Variants in EPG5 observed in about 807,000 individuals in gnomAD.
EPG5 encodes the protein ectopic P-granules 5 autophagy tethering factor.
Under a neutral mutation model 302.7 loss-of-function variants are expected in EPG5, and 159 were observed. The observed-to-expected ratio is 0.53, with a 90% CI of 0.46 to 0.60. The LOEUF is 0.60. EPG5 is among the 20% of genes least tolerant of loss of function. The pLI, the probability that EPG5 is intolerant of heterozygous loss-of-function variation, is 0.00. For synonymous variants in EPG5, 1,158 were observed against 1,136.8 expected (o/e 1.02, Z -0.37); for missense variants, 2,896 against 3,092.4 (o/e 0.94, Z 1.51).
Position 45,899,543 on chromosome 18 carries a change from T to C in EPG5, c.4670A>G (p.Gln1557Arg). The C allele has an allele frequency of 6.2e-7, 1 of 1,614,120 alleles. No individual in the cohort carries two copies. Among genetic ancestry groups the C allele is most frequent in the Non-Finnish European group, 8.5e-7 (1 of 1,179,994 alleles). The change falls in exon 27 of 44, where the codon CAG becomes CGG. Residue 1557 changes from glutamine to arginine, a missense_variant. Physicochemically the swap from Gln to Arg is conservative, Grantham distance 43 (BLOSUM62 1). Coordinates refer to ENST00000282041, the MANE Select transcript of EPG5 (RefSeq NM_020964.3). Reference sequence around the variant, plus strand: ...CAGCTCACCATCCAGAGCAACCTGCTGAGATTCCCGAAGAGCTGCGGTTCT... The same window carrying C: ...CAGCTCACCATCCAGAGCAACCTGCCGAGATTCCCGAAGAGCTGCGGTTCT... Reference protein sequence around the residue: ...QARTAALRESQQVALDGELLD... With the variant: ...QARTAALRESRQVALDGELLD...
At chr18:45,897,106 G>A (rs546701370) in intron 27 of EPG5, among the ~76,000 whole-genome samples, 5 of 152,192 alleles carry the variant, frequency 3.3e-5, no homozygotes, top group Non-Finnish European at 7.3e-5. Context: ...AAGGAAAAGA[G>A]ACAAGTCACA....
intron 1 of EPG5, among the ~76,000 whole-genome samples, 175 bp from the exon 2 acceptor site, chr18:45,955,513 T>C (rs2051008293): frequency 6.6e-6 from 1 of 152,214 alleles, no homozygotes; most frequent in Admixed American, 6.5e-5. Flanking sequence ...GAAATGTGTT[T>C]CATATTTCGT....
At chr18:45,801,139 C>T in the EPG5 span, among the ~76,000 whole-genome samples, 1 of 152,106 alleles carries the variant, frequency 6.6e-6, no homozygotes, top group Non-Finnish European at 1.5e-5. Context: ...TGGGTTCAAG[C>T]AGTTCTCCTG....
At chr18:45,818,142 A>G in the EPG5 span, among the ~76,000 whole-genome samples, 1 of 152,188 alleles carries the variant, frequency 6.6e-6, no homozygotes, top group Admixed American at 6.5e-5. Flanking sequence ...TTTTTAATAG[A>G]TTCAAATTAT....
intron 29 of EPG5, among the ~76,000 whole-genome samples, chr18:45,886,723 A>C (rs1291874748): frequency 6.6e-6 from 1 of 152,128 alleles, no homozygotes; most frequent in East Asian, 1.9e-4. Context: ...CAATAGCATG[A>C]TTTCCGCTCA....
chr18:45,955,688 C>T (rs879309464), intron 1 of EPG5, among the ~76,000 whole-genome samples: 13 of 152,166 alleles, frequency 8.5e-5, no homozygotes, highest in African/African-American at 1.2e-4. Flanking sequence ...TCAGTCTCTA[C>T]GGATCTTCAG....
In EPG5 at chr18:45,967,214, C is replaced by T. The variant is rs776386001; in HGVS notation, c.26G>A (p.Arg9His). MAEAVKPQ[R>H]RAKAKASRTK... ...CCGGCTGGCCTTGGCCTTGGCCCGG[C>T]GCTGGGGCTTCACCGCCTCGGCCAT... Residue 9 changes from arginine to histidine, a missense_variant, in exon 1 of 44, where the codon CGC becomes CAC. Arg to His is a conservative substitution (Grantham distance 29). This residue lies in a region of EPG5 where 1,390 missense variants were observed against 1,430.0 expected (regional missense o/e 0.97). Coordinates refer to ENST00000282041, the MANE Select transcript of EPG5 (RefSeq NM_020964.3). 2.5e-6 allele frequency: 4 copies of T among 1,605,498 alleles called. No individual in the cohort carries two copies. In the African/African-American group the frequency reaches 5.4e-5, roughly 21 times the overall value.
At chr18:45,881,198 C>A (rs1363869493) in intron 31 of EPG5, among the ~76,000 whole-genome samples, 2 of 152,150 alleles carry the variant, frequency 1.3e-5, no homozygotes, top group African/African-American at 4.8e-5. Context: ...TTGGTAAGAA[C>A]AAATTTCTAG....
chr18:45,908,545 C>T (rs1176621808), intron 23 of EPG5, among the ~76,000 whole-genome samples: 1 of 152,108 alleles, frequency 6.6e-6, no homozygotes, highest in Non-Finnish European at 1.5e-5. Context: ...AGGAATTTTC[C>T]AGCTTTAGGC....
At chr18:45,825,795 C>T in the EPG5 span, 1 of 1,614,132 alleles carries the variant, frequency 6.2e-7, no homozygotes, top group Non-Finnish European at 8.5e-7. Context: ...GTGTCTGCTA[C>T]TCTCTCTGGC....
intron 16 of EPG5, among the ~76,000 whole-genome samples, chr18:45,918,597 C>T (rs539593892): frequency 1.3e-5 from 2 of 152,170 alleles, no homozygotes; most frequent in African/African-American, 4.8e-5. Flanking sequence ...TATAAAGAGG[C>T]GCTTTTCAGG....
At chr18:45,838,445 C>T in the EPG5 span, 1 of 523,508 alleles carries the variant, frequency 1.9e-6, no homozygotes, top group Non-Finnish European at 3.3e-6. Context: ...GAGCCGGGAC[C>T]TAGTCCAAGC....
chr18:45,818,194 A>G, the EPG5 span, among the ~76,000 whole-genome samples: 1 of 152,184 alleles, frequency 6.6e-6, no homozygotes, highest in Non-Finnish European at 1.5e-5. Flanking sequence ...GTCCCTGCTA[A>G]TGATAATACA....
intron 39 of EPG5, among the ~76,000 whole-genome samples, chr18:45,865,222 G>T (rs2048719780): frequency 6.6e-6 from 1 of 152,172 alleles, no homozygotes; most frequent in Admixed American, 6.5e-5. Context: ...TTCAGCAGGA[G>T]AGGCAGGCAG....
At chr18:45,897,632 T>C (rs1343804455) in intron 27 of EPG5, among the ~76,000 whole-genome samples, 1 of 152,216 alleles carries the variant, frequency 6.6e-6, no homozygotes, top group African/African-American at 2.4e-5. Context: ...ACTCAATGTT[T>C]AAGAGTCGCA....
At chr18:45,825,776 G>A in the EPG5 span, 39 of 1,614,218 alleles carry the variant, frequency 2.4e-5, no homozygotes, top group Admixed American at 1.8e-4. Flanking sequence ...GGGTTCTCCC[G>A]ACAGGTGAGT....
At chr18:45,877,637 T>G (rs976002260) in intron 34 of EPG5, among the ~76,000 whole-genome samples, 1 of 152,300 alleles carries the variant, frequency 6.6e-6, no homozygotes, top group African/African-American at 2.4e-5. Flanking sequence ...AAGTGGCTCG[T>G]AAAGCATCAT....
intron 33 of EPG5, 130 bp downstream of exon 33, chr18:45,878,883 T>C: frequency 1.4e-6 from 1 of 694,458 alleles, no homozygotes; most frequent in Non-Finnish European, 2.5e-6. Flanking sequence ...ATATATGGGC[T>C]CATGCCTGTT....
At chr18:45,917,475 C>T (rs866516195) in intron 17 of EPG5, among the ~76,000 whole-genome samples, 13 of 152,180 alleles carry the variant, frequency 8.5e-5, no homozygotes, top group African/African-American at 3.1e-4. Flanking sequence ...GGAAAAATAT[C>T]TTTCATGGTA....
Sources: gnomAD v4.1 joint callset for allele counts (sites outside exome capture counted in the v4.1 genomes callset) on GRCh38, gnomAD v4.1.1 for gene constraint, gnomAD v4.1.1 regional missense constraint, MANE v1.5 for transcripts, NCBI Gene and HGNC (gene_info 2026-07-23, HGNC 2026-07-21) for gene names.